Variants in PKD2 observed in about 807,000 individuals in gnomAD.
The protein encoded by PKD2 is polycystin-2.
PKD2 carries 48 observed loss-of-function variants against 105.9 expected under a neutral mutation model. That is an observed-to-expected ratio of 0.45 (90% CI 0.36 to 0.58). PKD2 has a LOEUF of 0.58. Ranked by LOEUF, PKD2 falls within the 20% of genes least tolerant of loss-of-function variation. PKD2 has a pLI of 0.00. For synonymous variants in PKD2, 464 were observed against 481.1 expected, an observed-to-expected ratio of 0.96 and a Z score of 0.46; for missense variants, 1,078 against 1,255.3, an observed-to-expected ratio of 0.86 and a Z score of 2.13.
rs755226061 is a variant in PKD2 at position 88,074,903 on chromosome 4, C to T, written c.2614C>T (p.Arg872Ter). Residue 872 changes from arginine (R) to a stop codon, truncating the protein, a stop_gained, in exon 14 of 15, where the codon CGA (arginine) becomes TGA (stop). Coordinates refer to ENST00000237596, the MANE Select transcript of PKD2 (RefSeq NM_000297.4). LOFTEE classifies it high-confidence loss of function. The stretch of plus-strand genomic sequence containing the variant: ...GATCGTGAAGCTAGAGATTATGGAG[C>T]GAGCCAAACTGAAGAGGAGGGAGGT... ...AVIVKLEIMERAKLKRREVLG... is the reference protein window; with the variant it reads ...AVIVKLEIME 10 of 1,613,922 alleles carry T rather than the reference C, an allele frequency of 6.2e-6. No homozygotes were observed. The highest frequency in any genetic ancestry group is 8.5e-6 in the Non-Finnish European group (10 of 1,179,988).
At chr4:88,051,293 C>T (rs964506908) in intron 6 of PKD2, among the ~76,000 whole-genome samples, 11 of 152,164 alleles carry the variant, frequency 7.2e-5, no homozygotes, top group African/African-American at 2.7e-4. Context: ...CAAGCTCATG[C>T]TTTGTTCTCA....
At chr4:88,013,609 G>A (rs925051609) in intron 1 of PKD2, among the ~76,000 whole-genome samples, 2 of 151,966 alleles carry the variant, frequency 1.3e-5, no homozygotes, top group African/African-American at 4.8e-5. Flanking sequence ...GTTTGAGGTG[G>A]GAGAATCACC....
intron 1 of PKD2, among the ~76,000 whole-genome samples, chr4:88,017,310 GTACA>G (rs1354629043): frequency 1.3e-5 from 2 of 152,042 alleles, no homozygotes; most frequent in African/African-American, 2.4e-5. Context: ...ACATACATAC[GTACA>G]TACATACATA....
chr4:88,011,618 CT>C (rs958186707), intron 1 of PKD2, among the ~76,000 whole-genome samples: 10 of 151,972 alleles, frequency 6.6e-5, no homozygotes, highest in Admixed American at 6.6e-4. Flanking sequence ...TTTTGCCATA[CT>C]TTATGTAATT....
At chr4:88,060,326 A>G (rs745818779) in intron 9 of PKD2, among the ~76,000 whole-genome samples, 2 of 152,222 alleles carry the variant, frequency 1.3e-5, no homozygotes, top group Admixed American at 6.5e-5. Context: ...TTTCTGCTAC[A>G]GAATTGTAAA....
intron 7 of PKD2, 22 bp downstream of exon 7, chr4:88,052,180 C>A: frequency 7.1e-7 from 1 of 1,399,886 alleles, no homozygotes. Context: ...ATTTCATGTT[C>A]TACATTTTAA....
intron 6 of PKD2, among the ~76,000 whole-genome samples, chr4:88,051,573 A>G (rs1209632619): frequency 6.6e-6 from 1 of 152,240 alleles, no homozygotes; most frequent in East Asian, 1.9e-4. Context: ...AAATTTAAAA[A>G]TCACAAATAA....
intron 2 of PKD2, among the ~76,000 whole-genome samples, chr4:88,027,433 C>T (rs2110096568): frequency 6.6e-6 from 1 of 152,296 alleles, no homozygotes; most frequent in South Asian, 2.1e-4. Flanking sequence ...GGAATGGGAA[C>T]ATATACCCAA....
At position 88,007,973 on chromosome 4, in the gene PKD2, G is replaced by C; in HGVS notation, c.240G>C (p.Ser80=). 1 of 1,503,812 alleles carries C rather than the reference G, an allele frequency of 6.6e-7. No individual in the cohort carries two copies. Among genetic ancestry groups the C allele is most frequent in the Non-Finnish European group, 8.8e-7 (1 of 1,130,202 alleles). 93.2% of individuals were successfully genotyped at this position (1,503,812 alleles called of 1,614,324 possible). Reference sequence around the variant, plus strand: ...CGGCCTCCCCTTCTCCTCCGCTCTCGTCGTGCTCCCGGCAGGCGTGGAGCC... The same window carrying C: ...CGGCCTCCCCTTCTCCTCCGCTCTCCTCGTGCTCCCGGCAGGCGTGGAGCC... ...GAAASPSPPL[S]SCSRQAWSRD... Residue 80 remains serine, a synonymous_variant, in exon 1 of 15, where the codon TCG becomes TCC. Coordinates refer to ENST00000237596, the MANE Select transcript of PKD2 (RefSeq NM_000297.4).
At chr4:88,051,094 G>A (rs2110120988) in intron 6 of PKD2, among the ~76,000 whole-genome samples, 1 of 152,294 alleles carries the variant, frequency 6.6e-6, no homozygotes, top group East Asian at 1.9e-4. Flanking sequence ...TAGTGGTGAT[G>A]GATGCCAAGG....
intron 7 of PKD2, among the ~76,000 whole-genome samples, chr4:88,054,689 C>G (rs545164362): frequency 1.6e-5 from 2 of 123,614 alleles, no homozygotes; most frequent in African/African-American, 3.2e-5. Flanking sequence ...GAGTCTTGCT[C>G]TGTCGCCCAG....
chr4:88,071,975 CTTTTTT>C (rs1199490302), intron 13 of PKD2, among the ~76,000 whole-genome samples: 1 of 87,110 alleles, frequency 1.1e-5, no homozygotes, highest in Non-Finnish European at 2.1e-5. Context: ...AGAGGCCAGT[CTTTTTT>C]TTTTTTTTTT....
chr4:88,050,210 G>A (rs1056752092), intron 6 of PKD2, among the ~76,000 whole-genome samples: 4 of 152,108 alleles, frequency 2.6e-5, no homozygotes, highest in South Asian at 2.1e-4. Context: ...TCCTGACCTC[G>A]TGATCCGCCC....
chr4:88,011,636 TTTTCTGCC>T, intron 1 of PKD2, among the ~76,000 whole-genome samples: 1 of 152,294 alleles, frequency 6.6e-6, no homozygotes, highest in South Asian at 2.1e-4. Context: ...AATTTTTATT[TTTTCTGCC>T]TTCCCTTTCG....
Position 88,007,978 on chromosome 4 carries a change from G to T in PKD2, c.245G>T (p.Cys82Phe), listed in dbSNP as rs1239434721. ...TCCCCTTCTCCTCCGCTCTCGTCGT[G>T]CTCCCGGCAGGCGTGGAGCCGCGAT... ...AASPSPPLSS[C>F]SRQAWSRDNP... The change falls in exon 1 of 15, where the codon TGC (cysteine) becomes TTC (phenylalanine). Residue 82 changes from cysteine to phenylalanine, a missense_variant. Around this residue, in one of 2 missense-constraint regions of PKD2, gnomAD observed 210 missense variants for 187.9 expected, o/e 1.12. Coordinates refer to ENST00000237596, the MANE Select transcript of PKD2 (RefSeq NM_000297.4). 6 of 1,505,480 alleles carry T rather than the reference G, an allele frequency of 4.0e-6. No homozygotes were observed. The highest frequency in any genetic ancestry group is 5.3e-6 in the Non-Finnish European group (6 of 1,131,048). The allele number at this position is 1,505,480 out of a possible 1,614,324, so 93.3% of individuals were successfully genotyped here.
intron 5 of PKD2, among the ~76,000 whole-genome samples, chr4:88,044,752 CT>C (rs1157032679): frequency 2.0e-5 from 3 of 152,122 alleles, no homozygotes; most frequent in Non-Finnish European, 2.9e-5. Context: ...TGACAATGAC[CT>C]GTCACATGAA....
chr4:88,060,675 G>A (rs1342210448), intron 9 of PKD2, among the ~76,000 whole-genome samples: 1 of 152,098 alleles, frequency 6.6e-6, no homozygotes. Flanking sequence ...AAAAAAGTTG[G>A]TGGGGGGGAA....
chr4:88,053,940 A>C (rs1720212374), intron 7 of PKD2, among the ~76,000 whole-genome samples: 1 of 152,152 alleles, frequency 6.6e-6, no homozygotes, highest in African/African-American at 2.4e-5. Flanking sequence ...ATTGTATTTA[A>C]TCTTACTTAA....
rs749874370 is a variant in PKD2 at position 88,007,695 on chromosome 4, C to T, written c.-39C>T. The T allele has an allele frequency of 8.7e-7, 1 of 1,143,784 alleles. No individual in the cohort carries two copies. The highest frequency in any genetic ancestry group is 1.1e-6 in the Non-Finnish European group (1 of 927,220). The allele number at this position is 1,143,784 out of a possible 1,614,324, so 70.9% of individuals were successfully genotyped here. On this transcript the variant is annotated 5_prime_UTR_variant, in exon 1 of 15. Transcript: ENST00000237596. ...CTCCTGAGGCGCACAGCGCCGAGCG[C>T]GGCGCCGCGCACCCGCGCGCCGGAC...
Sources: allele counts gnomAD v4.1 joint callset (sites outside exome capture counted in the v4.1 genomes callset), GRCh38; gene constraint gnomAD v4.1.1; regional missense constraint gnomAD v4.1.1; transcripts MANE v1.5; gene names NCBI Gene and HGNC (gene_info 2026-07-23, HGNC 2026-07-21).